MAP3K19: variants seen among roughly 807,000 people sequenced by gnomAD.
MAP3K19 encodes the protein SPS1/STE20-related protein kinase YSK4.
In MAP3K19, 91 loss-of-function variants were observed where a neutral mutation model predicts 114.4. The ratio of observed to expected loss-of-function variants is 0.80; its 90% CI spans 0.67 to 0.95. MAP3K19 has a LOEUF of 0.95. Among genes scored for constraint, MAP3K19 ranks in the 40% least tolerant of loss-of-function variants. The probability of loss-of-function intolerance (pLI) is 0.00; values close to 1 mark genes in which losing one functional copy is unlikely to be tolerated. For synonymous variants in MAP3K19, 518 were observed against 530.5 expected (o/e 0.98, Z 0.32); for missense variants, 1,471 against 1,573.2 (o/e 0.94, Z 1.10).
chr2:135,031,105 C>A (rs564268014), intron 2 of MAP3K19, among the ~76,000 whole-genome samples: 3 of 150,848 alleles, frequency 2.0e-5, no homozygotes, highest in Admixed American at 6.6e-5. Context: ...ATGAACAAGA[C>A]CAGCAGCCAG....
Position 134,986,496 on chromosome 2 carries a change from A to T in MAP3K19, c.2376T>A (p.Pro792=). The change falls in exon 10 of 13, where the codon CCT becomes CCA. Residue 792 remains proline, a synonymous_variant. Transcript: ENST00000392915. ...ATTCATTCTGTTTCATGGACTGCTC[A>T]GGTGTCTGAGCCAAGTTCATGGGAT... The part of the protein sequence containing the change: ...EIHPMNLAQT[P]EQSMKQNEFP... 2 of 1,614,206 alleles carry T rather than the reference A, an allele frequency of 1.2e-6. No homozygotes were observed. The highest frequency in any genetic ancestry group is 1.7e-6 in the Non-Finnish European group (2 of 1,180,026).
intron 6 of MAP3K19, among the ~76,000 whole-genome samples, chr2:135,001,111 G>A (rs1464238685): frequency 6.6e-6 from 1 of 150,944 alleles, no homozygotes; most frequent in Non-Finnish European, 1.5e-5. Context: ...GCCATTTAAT[G>A]AAACAAGTGC....
At chr2:134,997,263 T>C (rs1391356629) in intron 8 of MAP3K19, among the ~76,000 whole-genome samples, 1 of 152,156 alleles carries the variant, frequency 6.6e-6, no homozygotes, top group Non-Finnish European at 1.5e-5. Context: ...TGATTCCATT[T>C]CTATAAAAGA....
Position 134,986,251 on chromosome 2 carries a change from T to C in MAP3K19, c.2621A>G (p.Asn874Ser). The C allele has an allele frequency of 6.2e-7, 1 of 1,614,074 alleles. No individual in the cohort carries two copies. Among genetic ancestry groups the C allele is most frequent in the African/African-American group, 1.3e-5 (1 of 75,070 alleles). Residue 874 changes from asparagine (N) to serine (S), a missense_variant, in exon 10 of 13, where the codon AAT (asparagine) becomes AGT (serine). By Grantham distance (46) the Asn-to-Ser change is conservative. Transcript: ENST00000392915. ...SNKYVQQEKQ[N>S]TASLSKVNAS... Reference sequence around the variant, plus strand: ...ATTTACTTTACTAAGAGATGCTGTATTCTGCTTTTCTTGCTGTACATACTT... The same window carrying C: ...ATTTACTTTACTAAGAGATGCTGTACTCTGCTTTTCTTGCTGTACATACTT...
Position 134,999,901 on chromosome 2 carries a change from C to T in MAP3K19, c.314+36G>A. The T allele has an allele frequency of 7.3e-7, 1 of 1,367,150 alleles. No homozygotes were observed. The highest frequency in any genetic ancestry group is 1.0e-6 in the Non-Finnish European group (1 of 955,550). 84.7% of individuals were successfully genotyped at this position (1,367,150 alleles called of 1,614,324 possible). On this transcript the variant is annotated intron_variant, in intron 7 of 12. Transcript: ENST00000392915. The surrounding 1 kb of genome is among the most constrained non-coding windows in gnomAD (Gnocchi z 4.1). Reference sequence around the variant, plus strand: ...ATATGACTATCATTGCTTCATACTTCATTTCAAATCTGATACTTCAAAGAA... The same window carrying T: ...ATATGACTATCATTGCTTCATACTTTATTTCAAATCTGATACTTCAAAGAA...
At chr2:134,972,515 A>G (rs1683950304) in intron 12 of MAP3K19, among the ~76,000 whole-genome samples, 1 of 152,108 alleles carries the variant, frequency 6.6e-6, no homozygotes, top group African/African-American at 2.4e-5. Flanking sequence ...CTGGAATGCA[A>G]TGGTGCAATC....
At chr2:135,036,703 G>A (rs1688538565) in intron 2 of MAP3K19, among the ~76,000 whole-genome samples, 1 of 150,954 alleles carries the variant, frequency 6.6e-6, no homozygotes, top group Non-Finnish European at 1.5e-5. Context: ...AGAATCAGGG[G>A]CCATCCTCAC....
At chr2:135,021,367 C>T (rs1214537994) in intron 5 of MAP3K19, among the ~76,000 whole-genome samples, 1 of 152,028 alleles carries the variant, frequency 6.6e-6, no homozygotes, top group Non-Finnish European at 1.5e-5. Context: ...CTGCTGGCAC[C>T]CTGATCTCAG....
In MAP3K19 at chr2:134,980,863, A is replaced by T; in HGVS notation, c.3878T>A (p.Phe1293Tyr). 1 of 1,614,144 alleles carries T rather than the reference A, an allele frequency of 6.2e-7. No homozygotes were observed. The highest frequency in any genetic ancestry group is 8.5e-7 in the Non-Finnish European group (1 of 1,179,980). The change falls in exon 12 of 13, where the codon TTC becomes TAC. Residue 1293 changes from phenylalanine to tyrosine, a missense_variant. Phe to Tyr is a conservative substitution (Grantham distance 22). Transcript: ENST00000392915. ...CACAAAGTCTGCTGCATTTTCTGAG[A>T]AGTGGTCTGGTAAAGGAGGCATCAG... ...RGLMPPLPDH[F>Y]SENAADFVRM...
At chr2:135,024,544 A>G (rs1688179611) in intron 4 of MAP3K19, 82 bp downstream of exon 4, 5 of 1,268,870 alleles carry the variant, frequency 3.9e-6, no homozygotes, top group Middle Eastern at 1.9e-4. Flanking sequence ...AAATGGATCC[A>G]TCAAACAGAT....
chr2:134,983,402 A>AAG (rs922303289), intron 11 of MAP3K19: 33 of 601,338 alleles, frequency 5.5e-5, no homozygotes, highest in East Asian at 1.1e-4. Flanking sequence ...AAGCCAGGCA[A>AAG]AGAGAGAGAG....
At chr2:135,019,551 C>A (rs1222013255) in intron 5 of MAP3K19, among the ~76,000 whole-genome samples, 1 of 152,138 alleles carries the variant, frequency 6.6e-6, no homozygotes, top group African/African-American at 2.4e-5. Flanking sequence ...AGTCAGGAGG[C>A]TGAGGTAGGA....
chr2:134,994,779 C>T (rs920204124), intron 8 of MAP3K19, among the ~76,000 whole-genome samples: 4 of 152,186 alleles, frequency 2.6e-5, no homozygotes, highest in African/African-American at 9.7e-5. Context: ...CTCACTCAAA[C>T]ATACAGAACT....
At chr2:135,008,802 A>T (rs1389216804) in intron 5 of MAP3K19, among the ~76,000 whole-genome samples, 1 of 151,954 alleles carries the variant, frequency 6.6e-6, no homozygotes, top group Non-Finnish European at 1.5e-5. Context: ...ATTTTGAGGC[A>T]GTGTCTCACT....
At chr2:135,005,360 G>A (rs549515690) in intron 6 of MAP3K19, 75 bp downstream of exon 6, 18 of 1,087,386 alleles carry the variant, frequency 1.7e-5, no homozygotes, top group Middle Eastern at 4.1e-4. Context: ...TCTACAATAA[G>A]CCCTTCTGAA....
intron 1 of MAP3K19, among the ~76,000 whole-genome samples, chr2:135,045,226 G>A (rs949311826): frequency 6.6e-6 from 1 of 152,200 alleles, no homozygotes; most frequent in Non-Finnish European, 1.5e-5. Flanking sequence ...GCTCTTTTAA[G>A]AGAAGCAGAC....
chr2:135,043,767 C>G (rs751369054), intron 1 of MAP3K19, among the ~76,000 whole-genome samples: 4 of 152,224 alleles, frequency 2.6e-5, no homozygotes, highest in Admixed American at 1.3e-4. Flanking sequence ...TTCATTCCTC[C>G]CTCCTCACTA....
In MAP3K19 at chr2:134,999,118, G is replaced by A. The variant is rs1573985523; in HGVS notation, c.315-121C>T. 3 of 1,155,884 alleles carry A rather than the reference G, an allele frequency of 2.6e-6. No homozygotes were observed. 71.6% of individuals were successfully genotyped at this position (1,155,884 alleles called of 1,614,324 possible). A position where few individuals can be genotyped will look rare whatever the true frequency, so the allele number is the denominator to read the frequency against. On this transcript the variant is annotated intron_variant, in intron 7 of 12. Coordinates refer to ENST00000392915, the MANE Select transcript of MAP3K19 (RefSeq NM_025052.5). This position sits in a 1 kb window ranked among gnomAD's most constrained non-coding sequence, Gnocchi z 4.1. ...AGAACTACTTCCAAATGGTGCTGCT[G>A]AAAGGAAAGGCTGAATCCTGAGAGG...
intron 11 of MAP3K19, among the ~76,000 whole-genome samples, chr2:134,982,605 C>A (rs1684786766): frequency 6.6e-6 from 1 of 152,112 alleles, no homozygotes; most frequent in African/African-American, 2.4e-5. Flanking sequence ...CCGCCTCGGC[C>A]TCCCAAAGTT....
Sources: gnomAD v4.1 joint callset for allele counts (sites outside exome capture counted in the v4.1 genomes callset) on GRCh38, gnomAD v4.1.1 for gene constraint, Gnocchi (gnomAD v3.1) non-coding constraint, MANE v1.5 for transcripts, NCBI Gene and HGNC (gene_info 2026-07-23, HGNC 2026-07-21) for gene names.